Variants in PSMA1 observed in about 807,000 individuals in gnomAD.
The protein encoded by PSMA1 is proteasome subunit alpha type-1.
Under a neutral mutation model 38.4 loss-of-function variants are expected in PSMA1, and 3 were observed. The observed-to-expected ratio is 0.08, with a 90% CI of 0.04 to 0.20. The LOEUF (loss-of-function observed/expected upper bound fraction) is 0.20, where lower values mean the gene tolerates loss of function less well. PSMA1 is among the 10% of genes least tolerant of loss of function. The pLI, the probability that PSMA1 is intolerant of heterozygous loss-of-function variation, is 1.00. For synonymous variants in PSMA1, 101 were observed against 107.1 expected (o/e 0.94, Z 0.35); for missense variants, 227 against 325.3 (o/e 0.70, Z 2.32).
intron 2 of PSMA1, among the ~76,000 whole-genome samples, chr11:14,550,176 G>A (rs964735641): frequency 7.9e-5 from 12 of 152,156 alleles, no homozygotes; most frequent in African/African-American, 1.9e-4. Flanking sequence ...TCAAGTTTAC[G>A]TGAAAAAGCG....
At chr11:14,624,338 G>A (rs1247505430) in intron 1 of PSMA1, among the ~76,000 whole-genome samples, 1 of 152,152 alleles carries the variant, frequency 6.6e-6, no homozygotes, top group East Asian at 1.9e-4. Context: ...GGAAAGGGAT[G>A]CTGTTGCAAC....
chr11:14,642,347 C>CAA (rs1554974960), intron 1 of PSMA1, among the ~76,000 whole-genome samples: 22 of 151,584 alleles, frequency 1.5e-4, no homozygotes, highest in African/African-American at 5.3e-4. Context: ...CATTTTTTTT[C>CAA]TTGTCATGGG....
chr11:14,542,049 T>C (rs1311910883), intron 2 of PSMA1, among the ~76,000 whole-genome samples: 1 of 152,256 alleles, frequency 6.6e-6, no homozygotes, highest in African/African-American at 2.4e-5. Flanking sequence ...TTACAGCTAA[T>C]AGCTAAAGCT....
intron 1 of PSMA1, among the ~76,000 whole-genome samples, chr11:14,636,983 C>T (rs959144071): frequency 1.3e-5 from 2 of 152,226 alleles, no homozygotes; most frequent in Non-Finnish European, 1.5e-5. Context: ...AACCTTCATT[C>T]AATACCAGCA....
At position 14,510,961 on chromosome 11, in the gene PSMA1, A is replaced by G. The variant is rs764651257; in HGVS notation, c.545-10T>C. 5.4e-6 allele frequency: 8 copies of G among 1,489,176 alleles called. No homozygotes were observed. In the South Asian group the frequency reaches 9.8e-5, roughly 18 times the overall value. 92.2% of individuals were successfully genotyped at this position (1,489,176 alleles called of 1,614,324 possible). A position where few individuals can be genotyped will look rare whatever the true frequency, so the allele number is the denominator to read the frequency against. Reference sequence around the variant, plus strand: ...AGTTCATTTAAATTACCTATATGTAATAAATTAACAATTATTTCTTAATTT... The same window carrying G: ...AGTTCATTTAAATTACCTATATGTAGTAAATTAACAATTATTTCTTAATTT... On this transcript the variant is annotated splice_polypyrimidine_tract_variant and intron_variant, in intron 7 of 9. Coordinates refer to ENST00000396394, the MANE Select transcript of PSMA1 (RefSeq NM_002786.4).
intron 2 of PSMA1, among the ~76,000 whole-genome samples, chr11:14,564,443 A>G (rs1443218349): frequency 2.0e-5 from 3 of 152,168 alleles, no homozygotes; most frequent in Non-Finnish European, 2.9e-5. Context: ...CTATTCACTC[A>G]TTGAAGTATA....
chr11:14,520,402 T>TGAC (rs1361915479), upstream of PSMA1: 7 of 1,613,264 alleles, frequency 4.3e-6, no homozygotes, highest in Admixed American at 1.2e-4. Flanking sequence ...TGCGGGAGTT[T>TGAC]GACGGCGGCG....
chr11:14,632,956 C>G (rs1347634683), intron 1 of PSMA1, among the ~76,000 whole-genome samples: 20 of 148,726 alleles, frequency 1.3e-4, no homozygotes, highest in African/African-American at 4.9e-4. Context: ...GCATTCTTCA[C>G]GTAGTTCTCG....
chr11:14,620,698 A>G (rs118036642), intron 1 of PSMA1, among the ~76,000 whole-genome samples: 9 of 152,350 alleles, frequency 5.9e-5, no homozygotes, highest in East Asian at 1.9e-4. Flanking sequence ...TGGCCACTGG[A>G]AATTCTTCAT....
At chr11:14,559,065 A>G (rs535644756) in intron 2 of PSMA1, among the ~76,000 whole-genome samples, 2 of 152,332 alleles carry the variant, frequency 1.3e-5, no homozygotes, top group African/African-American at 4.8e-5. Flanking sequence ...CACATTTAAT[A>G]ACCTTAAATA....
At chr11:14,631,256 T>C (rs186081530) in intron 1 of PSMA1, among the ~76,000 whole-genome samples, 4 of 152,224 alleles carry the variant, frequency 2.6e-5, no homozygotes, top group African/African-American at 9.7e-5. Context: ...AATTGTGATG[T>C]TAGTGTGTCA....
At chr11:14,553,505 T>C (rs1851911047) in intron 2 of PSMA1, among the ~76,000 whole-genome samples, 2 of 152,190 alleles carry the variant, frequency 1.3e-5, no homozygotes, top group Non-Finnish European at 1.5e-5. Flanking sequence ...CTAGTGCCAC[T>C]AATCTGTTCT....
chr11:14,524,148 GGAGA>G (rs1189979050), upstream of PSMA1, among the ~76,000 whole-genome samples: 4 of 149,866 alleles, frequency 2.7e-5, no homozygotes, highest in Non-Finnish European at 5.9e-5. Flanking sequence ...ATGAAGGGAG[GGAGA>G]GAGAGAGGGA....
intron 2 of PSMA1, among the ~76,000 whole-genome samples, chr11:14,555,196 T>C (rs1359243387): frequency 6.6e-6 from 1 of 152,244 alleles, no homozygotes; most frequent in Non-Finnish European, 1.5e-5. Context: ...GAGTAAGTGG[T>C]TTGTTTTTAT....
intron 1 of PSMA1, among the ~76,000 whole-genome samples, chr11:14,633,169 A>G (rs1162045602): frequency 1.8e-3 from 273 of 151,648 alleles, no homozygotes; most frequent in African/African-American, 6.1e-3. Flanking sequence ...GCTTTGTTCC[A>G]TTGCTGGTGA....
chr11:14,560,216 T>C (rs2597212), intron 2 of PSMA1, among the ~76,000 whole-genome samples: 88,792 of 152,074 alleles, frequency 0.58, 26,207 homozygotes, highest in Middle Eastern at 0.67. Context: ...TTACAGCCAA[T>C]GCTTTGTGTT....
intron 2 of PSMA1, among the ~76,000 whole-genome samples, chr11:14,610,100 A>G (rs1177834895): frequency 6.6e-6 from 1 of 152,124 alleles, no homozygotes; most frequent in African/African-American, 2.4e-5. Context: ...CAAGAAGTTA[A>G]TCTTTTACTT....
intron 2 of PSMA1, among the ~76,000 whole-genome samples, chr11:14,560,347 C>T (rs1054027977): frequency 1.3e-5 from 2 of 152,156 alleles, no homozygotes; most frequent in Non-Finnish European, 2.9e-5. Flanking sequence ...TTGTTACTGA[C>T]CTCTGGTCTG....
intron 1 of PSMA1, among the ~76,000 whole-genome samples, chr11:14,640,294 T>C (rs767469297): frequency 1.3e-5 from 2 of 152,162 alleles, no homozygotes; most frequent in Non-Finnish European, 2.9e-5. Context: ...AATGAGAAAC[T>C]GAGAACAAGC....
Sources: gnomAD v4.1 joint callset for allele counts (sites outside exome capture counted in the v4.1 genomes callset) on GRCh38, gnomAD v4.1.1 for gene constraint, MANE v1.5 for transcripts, NCBI Gene and HGNC (gene_info 2026-07-23, HGNC 2026-07-21) for gene names.